CACNB2: variants seen among roughly 807,000 people sequenced by gnomAD.
CACNB2 encodes the protein voltage-dependent L-type calcium channel subunit beta-2.
CACNB2 carries 42 observed loss-of-function variants against 73.3 expected under a neutral mutation model. The ratio of observed to expected loss-of-function variants is 0.57; its 90% CI spans 0.45 to 0.74. CACNB2 has a LOEUF of 0.74. CACNB2 is among the 30% of genes least tolerant of loss of function. The probability of loss-of-function intolerance (pLI) is 0.00; values close to 1 mark genes in which losing one functional copy is unlikely to be tolerated. For synonymous variants in CACNB2, 348 were observed against 310.3 expected (o/e 1.12, Z -1.28); for missense variants, 940 against 853.0 (o/e 1.10, Z -1.27).
At chr10:18,349,705 A>G (rs953307020) in intron 2 of CACNB2, among the ~76,000 whole-genome samples, 2 of 147,552 alleles carry the variant, frequency 1.4e-5, no homozygotes. Context: ...AATGGGGACA[A>G]ACTTTCAGTT....
intron 2 of CACNB2, among the ~76,000 whole-genome samples, chr10:18,188,803 GA>G (rs1197840594): frequency 5.9e-5 from 9 of 151,716 alleles, no homozygotes; most frequent in South Asian, 2.1e-4. Context: ...ACTTAGTATA[GA>G]AAAAAAAGAC....
chr10:18,396,149 G>T (rs1470858614), intron 2 of CACNB2, among the ~76,000 whole-genome samples: 1 of 151,970 alleles, frequency 6.6e-6, no homozygotes, highest in African/African-American at 2.4e-5. Flanking sequence ...TAGAGATGGG[G>T]TTTCACCATG....
chr10:18,348,478 T>TGGACAGAC (rs2041566394), intron 2 of CACNB2, among the ~76,000 whole-genome samples: 1 of 151,902 alleles, frequency 6.6e-6, no homozygotes, highest in Admixed American at 6.6e-5. Context: ...GACAGATGGA[T>TGGACAGAC]GGACAGACAG....
chr10:18,234,596 A>G (rs2036356567), intron 2 of CACNB2, among the ~76,000 whole-genome samples: 1 of 152,238 alleles, frequency 6.6e-6, no homozygotes, highest in Admixed American at 6.5e-5. Flanking sequence ...CATTATGTGA[A>G]GTGAAACAAG....
At chr10:18,316,909 G>A (rs1426945851) in intron 2 of CACNB2, among the ~76,000 whole-genome samples, 2 of 152,146 alleles carry the variant, frequency 1.3e-5, no homozygotes, top group South Asian at 2.1e-4. Context: ...TCATCCTTGG[G>A]TATTCTTTTT....
At position 18,516,964 on chromosome 10, in the gene CACNB2, C is replaced by A. The variant is rs548499565; in HGVS notation, c.805-1372C>A. ...CCTCTGATTATATCGTCTGTGACTACGGGTAAAATCTCAGATGGAAGCTTT... is the reference window on the plus strand; with the variant it reads ...CCTCTGATTATATCGTCTGTGACTAAGGGTAAAATCTCAGATGGAAGCTTT... On this transcript the variant is annotated intron_variant, in intron 7 of 13. Transcript: ENST00000324631. Among the ~76,000 whole-genome samples the A allele has an allele frequency of 2.0e-5, 3 of 152,126 alleles. No homozygotes were observed. The South Asian group carries it at 6.2e-4, about 32-fold the overall frequency.
intron 5 of CACNB2, among the ~76,000 whole-genome samples, chr10:18,505,988 G>T (rs1589581838): frequency 6.6e-6 from 1 of 152,156 alleles, no homozygotes; most frequent in Non-Finnish European, 1.5e-5. Flanking sequence ...ATATGGCTCT[G>T]TTGTTCTTTG....
At position 18,539,616 on chromosome 10, in the gene CACNB2, C is replaced by A; in HGVS notation, c.1875C>A (p.Arg625=). 6.2e-7 allele frequency: 1 copy of A among 1,613,684 alleles called. No individual in the cohort carries two copies. The highest frequency in any genetic ancestry group is 8.5e-7 in the Non-Finnish European group (1 of 1,179,864). Reference sequence around the variant, plus strand: ...ACCACAACGAGTGCAACAAGCAGCGCAGCCGTCATAAATCCAAGGATCGCT... The same window carrying A: ...ACCACAACGAGTGCAACAAGCAGCGAAGCCGTCATAAATCCAAGGATCGCT... ...EQDHNECNKQ[R]SRHKSKDRYC... is the part of the protein sequence containing the mutation. The change falls in exon 14 of 14, where the codon CGC becomes CGA. Residue 625 remains arginine, a synonymous_variant. Transcript: ENST00000324631.
chr10:18,401,734 C>A lies in CACNB2; in HGVS notation c.214-190C>A, dbSNP rs185191682. 1.2e-4 allele frequency among the ~76,000 whole-genome samples: 18 copies of A among 152,272 alleles called. No homozygotes were observed. In the East Asian group the frequency reaches 2.5e-3, roughly 21 times the overall value. On this transcript the variant is annotated intron_variant, in intron 2 of 13. Coordinates refer to ENST00000324631, the MANE Select transcript of CACNB2 (RefSeq NM_201596.3). ...GGAAGGAATGGCAACTCAGTAGACA[C>A]AACTATTCTATTGAATGTCTGCAAA... is the stretch of plus-strand genomic sequence containing the variant.
intron 4 of CACNB2, among the ~76,000 whole-genome samples, chr10:18,499,859 C>T (rs899975879): frequency 2.0e-5 from 3 of 151,172 alleles, no homozygotes; most frequent in African/African-American, 7.3e-5. Flanking sequence ...CACCGGTAGT[C>T]CTAGCTACTC....
chr10:18,510,116 A>C (rs796200418), intron 6 of CACNB2, among the ~76,000 whole-genome samples: 4 of 152,296 alleles, frequency 2.6e-5, no homozygotes, highest in Admixed American at 2.0e-4. Context: ...CGTATTTCAA[A>C]ATGAACTCAG....
intron 3 of CACNB2, 138 bp downstream of exon 3, chr10:18,402,181 G>A (rs2044035416): frequency 1.0e-6 from 1 of 958,672 alleles, no homozygotes; most frequent in African/African-American, 1.6e-5. Flanking sequence ...TACAAAAAAT[G>A]GAGCCTAGTT....
chr10:18,384,754 C>CA (rs67797223), intron 2 of CACNB2, among the ~76,000 whole-genome samples: 21,633 of 145,520 alleles, frequency 0.15, 1,827 homozygotes, highest in East Asian at 0.26. Context: ...AAACAAAAAA[C>CA]AAAAAAAACC....
intron 3 of CACNB2, among the ~76,000 whole-genome samples, chr10:18,444,016 C>G (rs1273737392): frequency 6.6e-6 from 1 of 152,060 alleles, no homozygotes; most frequent in East Asian, 1.9e-4. Flanking sequence ...CACCCAGCCA[C>G]GCCCTTTCTT....
At chr10:18,354,450 A>G (rs191713649) in intron 2 of CACNB2, among the ~76,000 whole-genome samples, 110 of 152,218 alleles carry the variant, frequency 7.2e-4, no homozygotes, top group African/African-American at 2.5e-3. Context: ...CTGGGGAGAG[A>G]AACATGGCAG....
At chr10:18,167,682 C>T (rs986656941) in intron 2 of CACNB2, among the ~76,000 whole-genome samples, 3 of 152,072 alleles carry the variant, frequency 2.0e-5, no homozygotes, top group Admixed American at 6.5e-5. Context: ...ATCTCAGCTC[C>T]TCTGGAAAGT....
chr10:18,261,284 G>T (rs1179506646), intron 2 of CACNB2: 1 of 1,551,468 alleles, frequency 6.4e-7, no homozygotes, highest in East Asian at 2.4e-5. Context: ...AGTGCTGCGG[G>T]CTGGTGCATC....
At chr10:18,216,163 G>A (rs1296604340) in intron 2 of CACNB2, among the ~76,000 whole-genome samples, 1 of 151,876 alleles carries the variant, frequency 6.6e-6, no homozygotes, top group African/African-American at 2.4e-5. Context: ...CAAATGTGTT[G>A]GTGCATACCT....
At chr10:18,381,602 T>C (rs1182052638) in intron 2 of CACNB2, among the ~76,000 whole-genome samples, 1 of 151,002 alleles carries the variant, frequency 6.6e-6, no homozygotes, top group Non-Finnish European at 1.5e-5. Context: ...GCAGGAGAAT[T>C]GCTTGAACCT....
Sources: gnomAD v4.1 joint callset for allele counts (sites outside exome capture counted in the v4.1 genomes callset) on GRCh38, gnomAD v4.1.1 for gene constraint, MANE v1.5 for transcripts, NCBI Gene and HGNC (gene_info 2026-07-23, HGNC 2026-07-21) for gene names.